The following ANKRD36 variants were observed in gnomAD, a reference collection of about 807,000 sequenced individuals.
ANKRD36 encodes the protein ankyrin repeat domain-containing protein 36A.
ANKRD36 carries 179 observed loss-of-function variants against 278.1 expected under a neutral mutation model. The ratio of observed to expected loss-of-function variants is 0.64; its 90% CI spans 0.57 to 0.73. The LOEUF (loss-of-function observed/expected upper bound fraction) is 0.73, where lower values mean the gene tolerates loss of function less well. ANKRD36 is among the 30% of genes least tolerant of loss of function. The pLI is 0.00. For missense variants in ANKRD36, 1,159 were observed against 1,956.7 expected, an observed-to-expected ratio of 0.59 and a Z score of 7.69; for synonymous variants, 320 against 641.1, an observed-to-expected ratio of 0.50 and a Z score of 7.57.
rs1231795071 is a variant in ANKRD36 at position 97,185,789 on chromosome 2, C to G, written c.2041+279C>G. ...GGGTTCAGGGGACAGCATAATTTTG[C>G]TTTAATTCTACAGCATGTTTTCACC... On this transcript the variant is annotated intron_variant, in intron 30 of 75. Transcript: ENST00000420699. Among the ~76,000 whole-genome samples, 5 of 151,834 alleles carry G rather than the reference C, an allele frequency of 3.3e-5. No homozygotes were observed. In the South Asian group the frequency reaches 1.0e-3, roughly 32 times the overall value.
chr2:97,169,241 G>C (rs1277135300), intron 22 of ANKRD36, among the ~76,000 whole-genome samples: 1 of 152,290 alleles, frequency 6.6e-6, no homozygotes, highest in Non-Finnish European at 1.5e-5. Context: ...GTGTTTACTG[G>C]CTGAATAAAT....
intron 64 of ANKRD36, among the ~76,000 whole-genome samples, chr2:97,218,743 C>T (rs1300844216): frequency 2.0e-5 from 3 of 152,192 alleles, no homozygotes; most frequent in Admixed American, 6.5e-5. Context: ...ACTTGCTCCT[C>T]TGATTTTAGA....
At chr2:97,132,718 T>C (rs1200814086) in intron 6 of ANKRD36, among the ~76,000 whole-genome samples, 3 of 152,086 alleles carry the variant, frequency 2.0e-5, no homozygotes, top group Admixed American at 2.0e-4. Context: ...GGGCTTTGAT[T>C]TGTTACAGTG....
At chr2:97,181,293 ACTC>A (rs1275818193) in intron 24 of ANKRD36, among the ~76,000 whole-genome samples, 2 of 151,250 alleles carry the variant, frequency 1.3e-5, no homozygotes, top group African/African-American at 4.9e-5. Flanking sequence ...TGTGTGAGTT[ACTC>A]CTCTGATTTG....
At chr2:97,170,906 T>G (rs1392621727) in intron 22 of ANKRD36, among the ~76,000 whole-genome samples, 2 of 148,270 alleles carry the variant, frequency 1.3e-5, no homozygotes, top group African/African-American at 2.5e-5. Context: ...GAACAGACAC[T>G]TCTCAAAAGA....
At chr2:97,198,095 C>A (rs1394663386) in intron 42 of ANKRD36, among the ~76,000 whole-genome samples, 1 of 151,894 alleles carries the variant, frequency 6.6e-6, no homozygotes, top group Non-Finnish European at 1.5e-5. Context: ...GCATGAAAGA[C>A]ATGTGGGTAC....
At chr2:97,125,116 A>T (rs2038208423) in intron 5 of ANKRD36, among the ~76,000 whole-genome samples, 1 of 150,980 alleles carries the variant, frequency 6.6e-6, no homozygotes, top group Admixed American at 6.7e-5. Flanking sequence ...CATTCTAATC[A>T]TTGCTTTGTT....
chr2:97,201,981 C>A (rs2061498996), intron 46 of ANKRD36, among the ~76,000 whole-genome samples: 1 of 151,966 alleles, frequency 6.6e-6, no homozygotes, highest in Non-Finnish European at 1.5e-5. Context: ...TATGAGAAAT[C>A]ATACCATGTT....
At chr2:97,201,042 G>A (rs1348391332) in intron 46 of ANKRD36, among the ~76,000 whole-genome samples, 3 of 151,880 alleles carry the variant, frequency 2.0e-5, no homozygotes, top group African/African-American at 7.2e-5. Flanking sequence ...GGTTACTGCT[G>A]AGGAAACCTG....
chr2:97,189,941 C>T (rs1171143822), intron 34 of ANKRD36, among the ~76,000 whole-genome samples: 2 of 83,134 alleles, frequency 2.4e-5, no homozygotes, highest in African/African-American at 5.4e-5. Flanking sequence ...ATAAAGCACA[C>T]TGACTCATTA....
intron 6 of ANKRD36, among the ~76,000 whole-genome samples, chr2:97,140,243 A>C (rs978491833): frequency 6.6e-6 from 1 of 151,688 alleles, no homozygotes; most frequent in African/African-American, 2.4e-5. Context: ...TCAAGTCTTC[A>C]CAAGTTATTT....
At chr2:97,234,912 T>C (rs894275276) in intron 68 of ANKRD36, among the ~76,000 whole-genome samples, 1 of 133,732 alleles carries the variant, frequency 7.5e-6, no homozygotes, top group Non-Finnish European at 1.5e-5. Context: ...TGTATTTGGA[T>C]ACTATTACTT....
At chr2:97,123,927 C>A (rs1156846925) in intron 4 of ANKRD36, among the ~76,000 whole-genome samples, 1 of 141,034 alleles carries the variant, frequency 7.1e-6, no homozygotes, top group Non-Finnish European at 1.5e-5. Context: ...ACACAACCAT[C>A]CTTGAAGGAT....
intron 67 of ANKRD36, among the ~76,000 whole-genome samples, chr2:97,227,563 G>C (rs1251823033): frequency 4.6e-5 from 7 of 152,058 alleles, no homozygotes; most frequent in Non-Finnish European, 1.5e-5. Flanking sequence ...CAATCATGTC[G>C]TCTGCAAACA....
chr2:97,180,350 A>G (rs1362097015), intron 24 of ANKRD36, among the ~76,000 whole-genome samples: 1 of 151,654 alleles, frequency 6.6e-6, no homozygotes, highest in Non-Finnish European at 1.5e-5. Flanking sequence ...GTAGAACGAG[A>G]GCTAAGAAGA....
chr2:97,125,649 T>A lies in ANKRD36; in HGVS notation c.731+1052T>A, dbSNP rs570706515. On this transcript the variant is annotated intron_variant, in intron 5 of 75. Coordinates refer to ENST00000420699, the MANE Select transcript of ANKRD36 (RefSeq NM_001354587.1). Reference sequence around the variant, plus strand: ...GCTTTTCTCAGGTAGTGGAAGCTTCTATGCCATCCTTCCTTAGAGTAGTAG... The same window carrying A: ...GCTTTTCTCAGGTAGTGGAAGCTTCAATGCCATCCTTCCTTAGAGTAGTAG... 3.4e-4 allele frequency among the ~76,000 whole-genome samples: 52 copies of A among 151,570 alleles called. 1 individual carries two copies. The highest frequency in any genetic ancestry group is 3.4e-3 in the Middle Eastern group (1 of 294).
At chr2:97,217,404 G>T in intron 64 of ANKRD36, 32 bp downstream of exon 64, 1 of 1,549,068 alleles carries the variant, frequency 6.5e-7, no homozygotes, top group Non-Finnish European at 8.7e-7. Context: ...AATGTCATGT[G>T]CACTCAAGAT....
intron 52 of ANKRD36, 60 bp downstream of exon 52, chr2:97,206,195 C>T (rs777808594): frequency 3.5e-5 from 51 of 1,453,010 alleles, no homozygotes; most frequent in Non-Finnish European, 4.5e-5. Context: ...AGTTCTCTTC[C>T]CCAAGTAAAT....
chr2:97,200,399 C>G (rs567414776), intron 45 of ANKRD36, 37 bp downstream of exon 45: 1 of 1,603,472 alleles, frequency 6.2e-7, no homozygotes, highest in Non-Finnish European at 8.5e-7. Flanking sequence ...AGCTAGTAAA[C>G]GTATAGCCTA....
Sources: allele counts gnomAD v4.1 joint callset (sites outside exome capture counted in the v4.1 genomes callset), GRCh38; gene constraint gnomAD v4.1.1; transcripts MANE v1.5; gene names NCBI Gene and HGNC (gene_info 2026-07-23, HGNC 2026-07-21).